MECOM: variants seen among roughly 807,000 people sequenced by gnomAD.
MECOM encodes the protein histone-lysine N-methyltransferase MECOM.
A neutral mutation model predicts 116.3 loss-of-function variants in MECOM; 13 were observed. The ratio of observed to expected loss-of-function variants is 0.11; its 90% CI spans 0.07 to 0.18. MECOM has a LOEUF of 0.18. MECOM is among the 10% of genes least tolerant of loss of function. The pLI, the probability that MECOM is intolerant of heterozygous loss-of-function variation, is 1.00. For synonymous variants in MECOM, 528 were observed against 535.2 expected (o/e 0.99, Z 0.19); for missense variants, 1,299 against 1,509.0 (o/e 0.86, Z 2.31).
intron 2 of MECOM, among the ~76,000 whole-genome samples, chr3:169,283,389 C>T (rs77147644): frequency 0.052 from 7,792 of 150,310 alleles, 443 homozygotes; most frequent in East Asian, 0.14. Context: ...CACTCCAGCC[C>T]TGGTGACAGA....
chr3:169,382,521 A>G (rs1407399784), intron 1 of MECOM, among the ~76,000 whole-genome samples: 3 of 149,358 alleles, frequency 2.0e-5, no homozygotes, highest in Non-Finnish European at 4.4e-5. Flanking sequence ...GAAACCAATC[A>G]AAGGGGATTT....
chr3:169,654,309 A>T (rs555504797), intron 1 of MECOM, among the ~76,000 whole-genome samples: 3 of 152,344 alleles, frequency 2.0e-5, no homozygotes, highest in African/African-American at 7.2e-5. Flanking sequence ...AGAGCAAAGT[A>T]TGTTTATTTT....
chr3:169,516,733 T>C (rs892906947), intron 1 of MECOM, among the ~76,000 whole-genome samples: 3 of 152,182 alleles, frequency 2.0e-5, no homozygotes, highest in African/African-American at 7.2e-5. Context: ...GGATTTGCAA[T>C]AGTTTTATCT....
intron 2 of MECOM, among the ~76,000 whole-genome samples, chr3:169,175,682 T>C (rs1214969923): frequency 6.6e-6 from 1 of 152,082 alleles, no homozygotes; most frequent in Non-Finnish European, 1.5e-5. Flanking sequence ...ATTTCTAGAG[T>C]TCTGTGCTCT....
At chr3:169,202,668 C>T (rs369017274) in intron 2 of MECOM, among the ~76,000 whole-genome samples, 6 of 151,762 alleles carry the variant, frequency 4.0e-5, no homozygotes, top group East Asian at 1.9e-4. Flanking sequence ...ACAGTTCCAC[C>T]TAACCAGACA....
intron 1 of MECOM, among the ~76,000 whole-genome samples, chr3:169,393,169 T>C (rs897901421): frequency 5.3e-5 from 8 of 152,274 alleles, no homozygotes; most frequent in African/African-American, 1.9e-4. Context: ...CCACAATATT[T>C]ACCTTCCAGC....
At chr3:169,127,457 A>G (rs1733231329) in intron 5 of MECOM, among the ~76,000 whole-genome samples, 2 of 152,152 alleles carry the variant, frequency 1.3e-5, no homozygotes, top group South Asian at 4.1e-4. Flanking sequence ...TTAAGTGAAT[A>G]CCAGATCTAG....
At chr3:169,579,975 C>T (rs1210053222) in intron 1 of MECOM, among the ~76,000 whole-genome samples, 2 of 152,216 alleles carry the variant, frequency 1.3e-5, no homozygotes, top group African/African-American at 4.8e-5. Flanking sequence ...AAGTATCCCT[C>T]TCAGCCAAGC....
chr3:169,198,767 G>A (rs552111447), intron 2 of MECOM, among the ~76,000 whole-genome samples: 3 of 152,028 alleles, frequency 2.0e-5, no homozygotes, highest in African/African-American at 7.2e-5. Context: ...ATAACAGGCC[G>A]GTGCAGTGGA....
At chr3:169,640,354 A>T (rs9835323) in intron 1 of MECOM, among the ~76,000 whole-genome samples, 63,256 of 151,966 alleles carry the variant, frequency 0.42, 13,496 homozygotes, top group East Asian at 0.56. Flanking sequence ...TGTCAATAAA[A>T]AAGTGTTGAA....
chr3:169,602,285 C>T (rs956450949), intron 1 of MECOM, among the ~76,000 whole-genome samples: 4 of 152,168 alleles, frequency 2.6e-5, no homozygotes, highest in African/African-American at 9.7e-5. Flanking sequence ...CGTCAGCTAG[C>T]AAATGACTAA....
intron 2 of MECOM, among the ~76,000 whole-genome samples, chr3:169,306,369 A>G (rs529554665): frequency 6.6e-6 from 1 of 152,336 alleles, no homozygotes; most frequent in East Asian, 1.9e-4. Context: ...ATTAGATGAC[A>G]TATAAAATAG....
At chr3:169,231,870 C>A (rs2149523285) in intron 2 of MECOM, among the ~76,000 whole-genome samples, 1 of 152,162 alleles carries the variant, frequency 6.6e-6, no homozygotes, top group South Asian at 2.1e-4. Flanking sequence ...ATCTACAGAT[C>A]CTATATACTT....
chr3:169,129,081 T>G (rs1024142713), intron 4 of MECOM, among the ~76,000 whole-genome samples: 1 of 152,174 alleles, frequency 6.6e-6, no homozygotes, highest in African/African-American at 2.4e-5. Context: ...GGGGAATACT[T>G]TAGTCCAAGA....
intron 1 of MECOM, among the ~76,000 whole-genome samples, chr3:169,394,065 A>G (rs1269786842): frequency 6.6e-6 from 1 of 152,158 alleles, no homozygotes; most frequent in Non-Finnish European, 1.5e-5. Context: ...TAGAATACAC[A>G]ATAATTTAAC....
chr3:169,576,838 C>CACACAGAGAGAG (rs368016499), intron 1 of MECOM, among the ~76,000 whole-genome samples: 63 of 125,102 alleles, frequency 5.0e-4, no homozygotes, highest in East Asian at 2.1e-3. Context: ...CACACACACA[C>CACACAGAGAGAG]AGAGAGAGAG....
At chr3:169,433,425 G>A (rs1741974721) in intron 1 of MECOM, among the ~76,000 whole-genome samples, 2 of 151,840 alleles carry the variant, frequency 1.3e-5, no homozygotes, top group Admixed American at 6.6e-5. Flanking sequence ...CAGAGATCAC[G>A]CCATTGCACT....
intron 1 of MECOM, among the ~76,000 whole-genome samples, chr3:169,480,375 A>G (rs1751103676): frequency 6.7e-6 from 1 of 148,924 alleles, no homozygotes; most frequent in African/African-American, 2.5e-5. Flanking sequence ...AAAAGGATTT[A>G]CAAGGTGTAT....
intron 1 of MECOM, among the ~76,000 whole-genome samples, chr3:169,500,324 T>C (rs1754377131): frequency 6.6e-6 from 1 of 152,032 alleles, no homozygotes; most frequent in Non-Finnish European, 1.5e-5. Flanking sequence ...GTATCTTCCA[T>C]AAGTCTGATG....
Sources: gnomAD v4.1 joint callset for allele counts (sites outside exome capture counted in the v4.1 genomes callset) on GRCh38, gnomAD v4.1.1 for gene constraint, MANE v1.5 for transcripts, NCBI Gene and HGNC (gene_info 2026-07-23, HGNC 2026-07-21) for gene names.